KCNIP1: variants seen among roughly 807,000 people sequenced by gnomAD.
The protein encoded by KCNIP1 is A-type potassium channel modulatory protein KCNIP1.
KCNIP1 carries 18 observed loss-of-function variants against 33.0 expected under a neutral mutation model. The ratio of observed to expected loss-of-function variants is 0.55; its 90% CI spans 0.38 to 0.81. The LOEUF is 0.81. KCNIP1 is among the 30% of genes least tolerant of loss of function. The probability of loss-of-function intolerance (pLI) is 0.00; values close to 1 mark genes in which losing one functional copy is unlikely to be tolerated. For missense variants in KCNIP1, 238 were observed against 271.6 expected, an observed-to-expected ratio of 0.88 and a Z score of 0.87; for synonymous variants, 93 against 98.3, an observed-to-expected ratio of 0.95 and a Z score of 0.32.
chr5:170,553,077 G>C (rs988411609), intron 1 of KCNIP1, among the ~76,000 whole-genome samples: 1 of 152,210 alleles, frequency 6.6e-6, no homozygotes, highest in African/African-American at 2.4e-5. Context: ...CGTGCCTGGG[G>C]GAGAGAGGAG....
chr5:170,649,868 G>T (rs1375567866), intron 1 of KCNIP1, among the ~76,000 whole-genome samples: 1 of 152,204 alleles, frequency 6.6e-6, no homozygotes, highest in Non-Finnish European at 1.5e-5. Flanking sequence ...GAAAGGGACA[G>T]ATAGAGTGAA....
At chr5:170,394,667 C>T (rs953695906) in intron 1 of KCNIP1, among the ~76,000 whole-genome samples, 3 of 152,126 alleles carry the variant, frequency 2.0e-5, no homozygotes, top group Non-Finnish European at 4.4e-5. Context: ...ATGCGTGATG[C>T]TGACGTTTGA....
At chr5:170,508,028 G>A (rs1215321511) in intron 1 of KCNIP1, among the ~76,000 whole-genome samples, 3 of 152,194 alleles carry the variant, frequency 2.0e-5, no homozygotes, top group Admixed American at 6.5e-5. Context: ...CTAGGGCATT[G>A]AGGAGAACCA....
chr5:170,428,263 T>G (rs1020640893), intron 1 of KCNIP1, among the ~76,000 whole-genome samples: 3 of 152,182 alleles, frequency 2.0e-5, no homozygotes, highest in African/African-American at 7.2e-5. Context: ...GGCAGCCACC[T>G]GAGGGTAAGG....
chr5:170,539,800 G>T (rs1373057823), intron 1 of KCNIP1, among the ~76,000 whole-genome samples: 3 of 152,144 alleles, frequency 2.0e-5, no homozygotes, highest in Non-Finnish European at 4.4e-5. Flanking sequence ...GTACCTGGGG[G>T]AAGTGAGGGG....
intron 1 of KCNIP1, among the ~76,000 whole-genome samples, chr5:170,449,558 C>G (rs111619596): frequency 0.036 from 5,519 of 152,300 alleles, 329 homozygotes; most frequent in African/African-American, 0.12. Context: ...AATTGCTCAG[C>G]CTCTCTGTGC....
chr5:170,502,563 G>A (rs923860895), upstream of KCNIP1, among the ~76,000 whole-genome samples: 1 of 152,188 alleles, frequency 6.6e-6, no homozygotes, highest in Non-Finnish European at 1.5e-5. Flanking sequence ...CTTCGTGGGG[G>A]GCAACTGTAG....
intron 1 of KCNIP1, among the ~76,000 whole-genome samples, chr5:170,607,660 T>C (rs927890444): frequency 6.6e-6 from 1 of 152,246 alleles, no homozygotes; most frequent in Non-Finnish European, 1.5e-5. Flanking sequence ...CCCTGCCTCC[T>C]CAGTGGCTGT....
rs540750341 is a variant in KCNIP1, at chr5:170,451,553, AC to A, written c.88+97592del. 5.4e-3 allele frequency among the ~76,000 whole-genome samples: 807 copies of A among 148,142 alleles called. 4 individuals carry two copies. Among genetic ancestry groups the A allele is most frequent in the Non-Finnish European group, 9.1e-3 (611 of 67,348 alleles). On this transcript the variant is annotated intron_variant, in intron 1 of 7. Transcript: ENST00000377360. ...TCTTTGGCTAAAGGGCATTGACACC[AC>A]CCATTTCCCAGAAACCTGAACTTGC...
chr5:170,465,559 A>C (rs968765988), intron 1 of KCNIP1, among the ~76,000 whole-genome samples: 4 of 152,206 alleles, frequency 2.6e-5, no homozygotes, highest in Admixed American at 2.6e-4. Flanking sequence ...CTGAAGAAAC[A>C]AAAAAATAGA....
At chr5:170,680,203 A>G (rs942038708) in intron 1 of KCNIP1, among the ~76,000 whole-genome samples, 2 of 152,160 alleles carry the variant, frequency 1.3e-5, no homozygotes, top group Non-Finnish European at 2.9e-5. Context: ...TTGCCCAAGG[A>G]CAGGTCTCTG....
chr5:170,386,447 G>A (rs1764476512), intron 1 of KCNIP1, among the ~76,000 whole-genome samples: 1 of 152,194 alleles, frequency 6.6e-6, no homozygotes, highest in African/African-American at 2.4e-5. Context: ...AGGCCGTCAG[G>A]TTTATGATCA....
At chr5:170,599,254 G>A (rs907453412) in intron 1 of KCNIP1, among the ~76,000 whole-genome samples, 2 of 152,120 alleles carry the variant, frequency 1.3e-5, no homozygotes, top group African/African-American at 4.8e-5. Flanking sequence ...CGCTCAATAA[G>A]TGCTAGCTAT....
At chr5:170,516,353 C>T (rs1171714147) in intron 1 of KCNIP1, among the ~76,000 whole-genome samples, 6 of 152,310 alleles carry the variant, frequency 3.9e-5, no homozygotes, top group African/African-American at 9.6e-5. Context: ...CCTGTAAACA[C>T]GCTTGACTCT....
intron 1 of KCNIP1, among the ~76,000 whole-genome samples, chr5:170,519,720 A>G (rs1755283915): frequency 6.6e-6 from 1 of 152,276 alleles, no homozygotes; most frequent in Admixed American, 6.5e-5. Context: ...CAAATCTTGG[A>G]ACAAAGTCAA....
At chr5:170,414,252 C>G (rs1026532220) in intron 1 of KCNIP1, among the ~76,000 whole-genome samples, 9 of 152,196 alleles carry the variant, frequency 5.9e-5, no homozygotes, top group Non-Finnish European at 1.2e-4. Context: ...CCCGATGAAG[C>G]TTTTTAGGAA....
chr5:170,728,299 A>G (rs952908838), intron 5 of KCNIP1, among the ~76,000 whole-genome samples: 1 of 152,228 alleles, frequency 6.6e-6, no homozygotes, highest in Non-Finnish European at 1.5e-5. Context: ...ATGTCTGCAC[A>G]CTGTCAGACA....
intron 1 of KCNIP1, among the ~76,000 whole-genome samples, chr5:170,393,145 G>T (rs1561603058): frequency 6.6e-6 from 1 of 152,138 alleles, no homozygotes; most frequent in African/African-American, 2.4e-5. Context: ...GCCCGTCCCT[G>T]CCCCTCTGTC....
chr5:170,537,573 C>T (rs1040645827), intron 1 of KCNIP1, among the ~76,000 whole-genome samples: 11 of 152,174 alleles, frequency 7.2e-5, no homozygotes, highest in Admixed American at 3.3e-4. Flanking sequence ...GGGAGGCTGA[C>T]CTGGGAGGAC....
Sources: gnomAD v4.1 joint callset for allele counts (sites outside exome capture counted in the v4.1 genomes callset) on GRCh38, gnomAD v4.1.1 for gene constraint, MANE v1.5 for transcripts, NCBI Gene and HGNC (gene_info 2026-07-23, HGNC 2026-07-21) for gene names.